MMP11: variants seen among roughly 807,000 people sequenced by gnomAD.
MMP11 encodes stromelysin-3.
In MMP11, 26 loss-of-function variants were observed where a neutral mutation model predicts 49.5. The ratio of observed to expected loss-of-function variants is 0.52; its 90% CI spans 0.38 to 0.73. The LOEUF is 0.73. Ranked by LOEUF, MMP11 falls within the 30% of genes least tolerant of loss-of-function variation. The pLI is 0.00. For synonymous variants in MMP11, 265 were observed against 282.3 expected, an observed-to-expected ratio of 0.94 and a Z score of 0.62; for missense variants, 624 against 671.2, an observed-to-expected ratio of 0.93 and a Z score of 0.78.
Position 23,773,106 on chromosome 22 carries a change from T to C in MMP11, c.108+128T>C, listed in dbSNP as rs1388691903. On this transcript the variant is annotated intron_variant, in intron 1 of 7. Transcript: ENST00000215743. Reference sequence around the variant, plus strand: ...CTCCAGCGCCCGGTACCCGAAACGCTTTCTGGTTCCCTCTAGGCGTGATAG... The same window carrying C: ...CTCCAGCGCCCGGTACCCGAAACGCCTTCTGGTTCCCTCTAGGCGTGATAG... 8 of 1,016,630 alleles carry C rather than the reference T, an allele frequency of 7.9e-6. No homozygotes were observed. The Admixed American group carries it at 3.2e-4, about 41-fold the overall frequency. 63.0% of individuals were successfully genotyped at this position (1,016,630 alleles called of 1,614,324 possible). A position where few individuals can be genotyped will look rare whatever the true frequency, so the allele number is the denominator to read the frequency against.
At chr22:23,773,031 C>A in intron 1 of MMP11, 53 bp downstream of exon 1, 1 of 1,145,470 alleles carries the variant, frequency 8.7e-7, no homozygotes, top group East Asian at 4.4e-5. Context: ...GCCGGGCACG[C>A]GGGCTGGGCC....
chr22:23,780,728 G>A lies in MMP11; in HGVS notation c.616+13G>A, dbSNP rs895233526. 2 of 1,547,030 alleles carry A rather than the reference G, an allele frequency of 1.3e-6. No homozygotes were observed. Among genetic ancestry groups the A allele is most frequent in the East Asian group, 2.3e-5 (1 of 44,432 alleles). On this transcript the variant is annotated intron_variant, in intron 4 of 7. Transcript: ENST00000215743. The surrounding 1 kb of genome is among the most constrained non-coding windows in gnomAD (Gnocchi z 4.6). ...GGGGATGACCAGGGTATGGGCTGGG[G>A]ACCCATTTTCCAGATGGGGCAACCG...
intron 6 of MMP11, chr22:23,782,021 T>G: frequency 1.3e-6 from 1 of 747,568 alleles, no homozygotes; most frequent in Non-Finnish European, 2.3e-6. Flanking sequence ...TGCACTAGTT[T>G]ACAGAGCATT....
In MMP11 at chr22:23,779,282, C is replaced by T. The variant is rs771727815; in HGVS notation, c.204C>T (p.Ala68=). The change falls in exon 2 of 8, where the codon GCC becomes GCT. Residue 68 remains alanine (A), a synonymous_variant. Transcript: ENST00000215743. The part of the protein sequence containing the change: ...SPAPAPATQE[A]PRPASSLRPP... ...CACCTGCCCCTGCCACGCAGGAAGC[C>T]CCCCGGCCTGCCAGCAGCCTCAGGC... 6.2e-7 allele frequency: 1 copy of T among 1,610,252 alleles called. No homozygotes were observed. The highest frequency in any genetic ancestry group is 8.5e-7 in the Non-Finnish European group (1 of 1,178,894).
Position 23,777,148 on chromosome 22 carries a change from C to T in MMP11, c.109-2039C>T, listed in dbSNP as rs148285028. Among the ~76,000 whole-genome samples, 935 of 126,676 alleles carry T rather than the reference C, an allele frequency of 7.4e-3. 3 individuals are homozygous for T. Among genetic ancestry groups the T allele is most frequent in the African/African-American group, 0.017 (475 of 28,168 alleles). The allele number at this position is 126,676 out of a possible 152,430, so 83.1% of individuals were successfully genotyped here. On this transcript the variant is annotated intron_variant, in intron 1 of 7. Coordinates refer to ENST00000215743, the MANE Select transcript of MMP11 (RefSeq NM_005940.5). The stretch of plus-strand genomic sequence containing the variant: ...TTATTAACAATAAGCCCAGGCCGGG[C>T]GCGGTGGCTCACGCCTGTAATCCCA...
chr22:23,780,589 C>T lies in MMP11; in HGVS notation c.490C>T (p.His164Tyr). 1 of 1,602,562 alleles carries T rather than the reference C, an allele frequency of 6.2e-7. No individual in the cohort carries two copies. ...GCCCCCACCCATCTGTAGGTACTGG[C>T]ATGGGGACGACCTGCCGTTTGATGG... is the stretch of plus-strand genomic sequence containing the variant. ...DIMIDFARYWHGDDLPFDGPG... is the reference protein window; with the variant it reads ...DIMIDFARYWYGDDLPFDGPG... The change falls in exon 4 of 8, where the codon CAT (histidine) becomes TAT (tyrosine). Residue 164 changes from histidine to tyrosine, a missense_variant. Coordinates refer to ENST00000215743, the MANE Select transcript of MMP11 (RefSeq NM_005940.5). The surrounding 1 kb of genome is among the most constrained non-coding windows in gnomAD (Gnocchi z 4.6).
rs1927565863 is a variant in MMP11, at chr22:23,780,241, A to G, written c.339-118A>G. 1.6e-6 allele frequency: 2 copies of G among 1,285,732 alleles called. No individual in the cohort carries two copies. Among genetic ancestry groups the G allele is most frequent in the African/African-American group, 3.0e-5 (2 of 67,672 alleles). The allele number at this position is 1,285,732 out of a possible 1,614,324, so 79.6% of individuals were successfully genotyped here. ...GCGCTGAAGCTGAGGCCCAGAGTAC[A>G]CCTGGCCTGTGTCCTGAGTGTTCAC... On this transcript the variant is annotated intron_variant, in intron 2 of 7. Coordinates refer to ENST00000215743, the MANE Select transcript of MMP11 (RefSeq NM_005940.5). The surrounding 1 kb of genome is among the most constrained non-coding windows in gnomAD (Gnocchi z 4.6).
rs550539412 is a variant in MMP11 at position 23,774,601 on chromosome 22, A to G, written c.108+1623A>G. 2.6e-5 allele frequency among the ~76,000 whole-genome samples: 4 copies of G among 152,098 alleles called. No homozygotes were observed. The South Asian group carries it at 8.3e-4, about 32-fold the overall frequency. On this transcript the variant is annotated intron_variant, in intron 1 of 7. Transcript: ENST00000215743. The stretch of plus-strand genomic sequence containing the variant: ...AAGATTAGGTGGAAGCTTGAGGGAG[A>G]AGATATCCCTGCTTGCCACCTGGCT...
intron 2 of MMP11, chr22:23,779,720 T>G (rs1276344805): frequency 4.3e-6 from 2 of 469,452 alleles, no homozygotes; most frequent in Non-Finnish European, 7.7e-6. Flanking sequence ...AAGAGACCTG[T>G]GAGGACCAGG....
intron 6 of MMP11, 100 bp downstream of exon 6, chr22:23,781,509 A>T (rs529557512): frequency 1.1e-5 from 13 of 1,169,388 alleles, no homozygotes; most frequent in Admixed American, 1.1e-4. Context: ...GACACAGTGG[A>T]TAGGGAGAGC....
intron 1 of MMP11, 87 bp from the exon 2 acceptor site, chr22:23,779,100 C>T (rs950290518): frequency 7.4e-6 from 8 of 1,083,810 alleles, no homozygotes; most frequent in Non-Finnish European, 1.1e-5. Flanking sequence ...TGGGGTTGCA[C>T]GTGTGTTTGC....
At chr22:23,783,339 TG>T (rs1927711273) in intron 7 of MMP11, 71 bp from the exon 8 acceptor site, 9 of 1,591,630 alleles carry the variant, frequency 5.7e-6, no homozygotes, top group Non-Finnish European at 7.7e-6. Flanking sequence ...TGCCCATCCC[TG>T]GGCACAGCCT....
intron 7 of MMP11, among the ~76,000 whole-genome samples, chr22:23,783,046 C>T (rs1191857257): frequency 1.3e-5 from 2 of 152,150 alleles, no homozygotes; most frequent in Non-Finnish European, 2.9e-5. Flanking sequence ...CCTCCAGCTC[C>T]AGGACTCCAG....
chr22:23,776,702 T>A (rs1276392401), intron 1 of MMP11, among the ~76,000 whole-genome samples: 1 of 152,000 alleles, frequency 6.6e-6, no homozygotes, highest in Non-Finnish European at 1.5e-5. Context: ...TTCCTCATCC[T>A]GGAAATGAGG....
Position 23,780,708 on chromosome 22 carries a change from T to A in MMP11, c.609T>A (p.Asp203Glu). Reference protein sequence around the residue: ...FDYDETWTIGDDQGTDLLQVA... With the variant: ...FDYDETWTIGEDQGTDLLQVA... ...ATGATGAGACCTGGACTATCGGGGA[T>A]GACCAGGGTATGGGCTGGGGACCCA... Residue 203 changes from aspartate (D) to glutamate (E), a missense_variant, in exon 4 of 8, where the codon GAT (aspartate) becomes GAA (glutamate). Transcript: ENST00000215743. This position sits in a 1 kb window ranked among gnomAD's most constrained non-coding sequence, Gnocchi z 4.6. The A allele has an allele frequency of 6.4e-7, 1 of 1,550,578 alleles. No homozygotes were observed. Among genetic ancestry groups the A allele is most frequent in the South Asian group, 1.2e-5 (1 of 81,728 alleles).
At chr22:23,783,297 G>A in intron 7 of MMP11, 114 bp from the exon 8 acceptor site, 1 of 1,316,624 alleles carries the variant, frequency 7.6e-7, no homozygotes, top group Non-Finnish European at 1.1e-6. Context: ...ACTCAGCAGT[G>A]GCCAAGGGCT....
chr22:23,772,946 C>A lies in MMP11; in HGVS notation c.76C>A (p.Pro26Thr). The change falls in exon 1 of 8, where the codon CCG becomes ACG. Residue 26 changes from proline to threonine, a missense_variant. By Grantham distance (38) the Pro-to-Thr change is conservative. Transcript: ENST00000215743. ...CCCGATGCTGCTGCTGCTGCTCCAGCCGCCGCCGCTGCTGGCCCGGGCTCT... is the reference window on the plus strand; with the variant it reads ...CCCGATGCTGCTGCTGCTGCTCCAGACGCCGCCGCTGCTGGCCCGGGCTCT... The part of the protein sequence containing the change: ...LPPMLLLLLQ[P>T]PPLLARALPP... The A allele has an allele frequency of 8.2e-7, 1 of 1,215,318 alleles. No homozygotes were observed. Among genetic ancestry groups the A allele is most frequent in the East Asian group, 3.8e-5 (1 of 26,438 alleles). 75.3% of individuals were successfully genotyped at this position (1,215,318 alleles called of 1,614,324 possible).
Position 23,781,492 on chromosome 22 carries a change from C to T in MMP11, c.1075+83C>T, listed in dbSNP as rs563838510. The T allele has an allele frequency of 3.1e-6, 4 of 1,300,000 alleles. No individual in the cohort carries two copies. In the East Asian group the frequency reaches 7.6e-5, roughly 25 times the overall value. 80.5% of individuals were successfully genotyped at this position (1,300,000 alleles called of 1,614,324 possible). A position where few individuals can be genotyped will look rare whatever the true frequency, so the allele number is the denominator to read the frequency against. ...CAAGGGCAGGAACAGACAGATGGAT[C>T]CTTAGGGACACAGTGGATAGGGAGA... is the stretch of plus-strand genomic sequence containing the variant. On this transcript the variant is annotated intron_variant, in intron 6 of 7. Coordinates refer to ENST00000215743, the MANE Select transcript of MMP11 (RefSeq NM_005940.5).
chr22:23,781,997 A>G (rs1439035689), intron 6 of MMP11: 2 of 685,436 alleles, frequency 2.9e-6, no homozygotes, highest in East Asian at 5.4e-5. Context: ...TACTGATGAG[A>G]GTAACCTCAC....
Sources: allele counts gnomAD v4.1 joint callset (sites outside exome capture counted in the v4.1 genomes callset), GRCh38; gene constraint gnomAD v4.1.1; non-coding constraint Gnocchi (gnomAD v3.1); transcripts MANE v1.5; gene names NCBI Gene and HGNC (gene_info 2026-07-23, HGNC 2026-07-21).